M1AP: variants seen among roughly 807,000 people sequenced by gnomAD.
The protein encoded by M1AP is meiosis 1 associated protein, also known as meiosis 1 arrest protein.
A neutral mutation model predicts 51.2 loss-of-function variants in M1AP; 39 were observed. The observed-to-expected ratio is 0.76, with a 90% CI of 0.59 to 1.00. The LOEUF is 1.00. Ranked by LOEUF, M1AP falls within the 50% of genes least tolerant of loss-of-function variation. The pLI is 0.00. For missense variants in M1AP, 545 were observed against 641.2 expected (o/e 0.85, Z 1.62); for synonymous variants, 251 against 249.2 (o/e 1.01, Z -0.07).
At position 74,628,743 on chromosome 2, in the gene M1AP, G is replaced by A. The variant is rs572322091; in HGVS notation, c.240+11293C>T. On this transcript the variant is annotated intron_variant, in intron 2 of 10. Transcript: ENST00000421985. Reference sequence around the variant, plus strand: ...GTCACATGACAACAACAAGATAATCGTCATCATACAGGCAATAAAGCTGCT... The same window carrying A: ...GTCACATGACAACAACAAGATAATCATCATCATACAGGCAATAAAGCTGCT... 851 of 563,874 alleles carry A rather than the reference G, an allele frequency of 1.5e-3. 1 individual carries two copies. The highest frequency in any genetic ancestry group is 2.5e-3 in the Non-Finnish European group (738 of 294,130). The allele number at this position is 563,874 out of a possible 1,614,324, so 34.9% of individuals were successfully genotyped here.
At chr2:74,576,331 G>T in intron 6 of M1AP, 125 bp downstream of exon 6, 1 of 1,013,028 alleles carries the variant, frequency 9.9e-7, no homozygotes, top group Non-Finnish European at 1.4e-6. Context: ...AGCTGTAACT[G>T]CTACTTCGGA....
chr2:74,593,103 C>CT, intron 4 of M1AP, among the ~76,000 whole-genome samples: 1 of 152,116 alleles, frequency 6.6e-6, no homozygotes, highest in Admixed American at 6.6e-5. Context: ...TAAAGCAGTG[C>CT]TGTCAAACGT....
At chr2:74,584,915 T>C (rs1364604357) in intron 4 of M1AP, among the ~76,000 whole-genome samples, 2 of 151,738 alleles carry the variant, frequency 1.3e-5, no homozygotes, top group East Asian at 1.9e-4. Context: ...TGATCTCAGC[T>C]CTCTGCAACC....
Position 74,561,232 on chromosome 2 carries a change from AAGGAGG to A in M1AP, c.1282-947_1282-942del, listed in dbSNP as rs374729127. 9.2e-3 allele frequency among the ~76,000 whole-genome samples: 315 copies of A among 34,116 alleles called. 1 individual carries two copies. The highest frequency in any genetic ancestry group is 0.015 in the Non-Finnish European group (211 of 14,080). The allele number at this position is 34,116 out of a possible 152,430, so 22.4% of individuals were successfully genotyped here. A position where few individuals can be genotyped will look rare whatever the true frequency, so the allele number is the denominator to read the frequency against. Reference sequence around the variant, plus strand: ...GGAGGAGGAGAAGGAGGAGGAGGAGAAGGAGGAGGAGGAGGAGGAGGAGGAGGAGAA... The same window carrying A: ...GGAGGAGGAGAAGGAGGAGGAGGAGAAGGAGGAGGAGGAGGAGGAGGAGAA... On this transcript the variant is annotated intron_variant, in intron 8 of 10. Transcript: ENST00000421985.
At chr2:74,647,446 A>G (rs1683675747) in intron 1 of M1AP, 1 of 967,172 alleles carries the variant, frequency 1.0e-6, no homozygotes, top group Non-Finnish European at 1.2e-6. Flanking sequence ...GCCCTAAGGC[A>G]CTTTCGTCTT....
At chr2:74,606,815 A>G (rs1681033464) in intron 4 of M1AP, among the ~76,000 whole-genome samples, 2 of 152,128 alleles carry the variant, frequency 1.3e-5, no homozygotes, top group Admixed American at 1.3e-4. Flanking sequence ...GGCTTCTTTT[A>G]TCATTTAAGA....
At position 74,614,927 on chromosome 2, in the gene M1AP, A is replaced by G. The variant is rs747207158; in HGVS notation, c.426+37T>C. ...AATGACCTATATGGACTGAAATCGG[A>G]ACACAGCTTGGAGTCCTAAAGGCCA... On this transcript the variant is annotated intron_variant, in intron 3 of 10. Transcript: ENST00000421985. 53 of 1,586,810 alleles carry G rather than the reference A, an allele frequency of 3.3e-5. 1 individual carries two copies. The South Asian group carries it at 5.9e-4, about 18-fold the overall frequency.
chr2:74,628,589 A>G (rs1258789891), intron 2 of M1AP: 1 of 588,842 alleles, frequency 1.7e-6, no homozygotes, highest in African/African-American at 1.9e-5. Context: ...CTTCTGACAC[A>G]GTTTTATTAT....
chr2:74,578,218 C>A (rs1044537931), intron 5 of M1AP, among the ~76,000 whole-genome samples: 1 of 152,178 alleles, frequency 6.6e-6, no homozygotes, highest in African/African-American at 2.4e-5. Flanking sequence ...GGGCCCTACC[C>A]CAGACCAACT....
intron 2 of M1AP, among the ~76,000 whole-genome samples, chr2:74,616,157 C>T (rs1377988030): frequency 2.0e-5 from 3 of 152,112 alleles, no homozygotes; most frequent in Admixed American, 6.6e-5. Flanking sequence ...GAAAACTATC[C>T]GAGAAAGAAA....
chr2:74,617,502 A>C (rs558236020), intron 2 of M1AP, among the ~76,000 whole-genome samples: 2 of 152,346 alleles, frequency 1.3e-5, no homozygotes, highest in African/African-American at 4.8e-5. Flanking sequence ...ATAAAAAGGG[A>C]CAACACACAC....
chr2:74,635,321 A>G (rs1386922587), intron 2 of M1AP, among the ~76,000 whole-genome samples: 1 of 152,084 alleles, frequency 6.6e-6, no homozygotes, highest in Non-Finnish European at 1.5e-5. Context: ...AGGGCCTATA[A>G]TGACACTCCC....
chr2:74,595,213 C>T (rs1457751436), intron 4 of M1AP, among the ~76,000 whole-genome samples: 1 of 152,130 alleles, frequency 6.6e-6, no homozygotes, highest in East Asian at 1.9e-4. Flanking sequence ...TGAAGTCTCA[C>T]TATGCTGCCC....
intron 2 of M1AP, among the ~76,000 whole-genome samples, chr2:74,626,140 C>T (rs1682372773): frequency 6.6e-6 from 1 of 152,162 alleles, no homozygotes; most frequent in Admixed American, 6.5e-5. Context: ...AAGGGAGTCC[C>T]CCTTTCAAGT....
intron 3 of M1AP, among the ~76,000 whole-genome samples, chr2:74,611,724 C>T (rs1171273585): frequency 6.0e-5 from 9 of 151,078 alleles, no homozygotes; most frequent in Non-Finnish European, 1.0e-4. Flanking sequence ...CCCAGCTATT[C>T]GGGAAGCTGA....
intron 8 of M1AP, chr2:74,561,992 C>A (rs1678048337): frequency 4.1e-6 from 4 of 985,222 alleles, no homozygotes; most frequent in Non-Finnish European, 4.8e-6. Flanking sequence ...TGTTCTCAAA[C>A]CTCATTTCCC....
chr2:74,646,560 A>G (rs1420915009), intron 1 of M1AP, among the ~76,000 whole-genome samples: 2 of 152,264 alleles, frequency 1.3e-5, no homozygotes, highest in Non-Finnish European at 2.9e-5. Flanking sequence ...AATTGAAGGT[A>G]CAAAGGATAA....
At chr2:74,633,472 T>C (rs1180889110) in intron 2 of M1AP, among the ~76,000 whole-genome samples, 1 of 152,124 alleles carries the variant, frequency 6.6e-6, no homozygotes, top group Non-Finnish European at 1.5e-5. Context: ...ATCCTGTAAG[T>C]CAGTTTAGCC....
At chr2:74,612,408 T>C (rs1173419521) in intron 3 of M1AP, among the ~76,000 whole-genome samples, 1 of 151,986 alleles carries the variant, frequency 6.6e-6, no homozygotes, top group African/African-American at 2.4e-5. Context: ...TTTGTAGAGA[T>C]GGGATCTCAC....
Sources: gnomAD v4.1 joint callset for allele counts (sites outside exome capture counted in the v4.1 genomes callset) on GRCh38, gnomAD v4.1.1 for gene constraint, MANE v1.5 for transcripts, NCBI Gene and HGNC (gene_info 2026-07-23, HGNC 2026-07-21) for gene names.